Variants in MTUS1 observed in about 807,000 individuals in gnomAD.
The protein encoded by MTUS1 is microtubule-associated tumor suppressor 1.
A neutral mutation model predicts 120.8 loss-of-function variants in MTUS1; 109 were observed. The ratio of observed to expected loss-of-function variants is 0.90; its 90% CI spans 0.77 to 1.06. The LOEUF (loss-of-function observed/expected upper bound fraction) is 1.06. Ranked by LOEUF, MTUS1 falls within the 50% of genes least tolerant of loss-of-function variation. The pLI is 0.00. For missense variants in MTUS1, 2,210 were observed against 1,486.3 expected (o/e 1.49, Z -8.01); for synonymous variants, 737 against 550.5 (o/e 1.34, Z -4.74).
chr8:17,702,481 G>A (rs1819291039), intron 6 of MTUS1, among the ~76,000 whole-genome samples: 1 of 152,106 alleles, frequency 6.6e-6, no homozygotes, highest in Admixed American at 6.5e-5. Context: ...GCACAATGCT[G>A]TAACAAACAT....
chr8:17,772,814 C>T (rs1027055995), intron 1 of MTUS1, among the ~76,000 whole-genome samples: 3 of 151,768 alleles, frequency 2.0e-5, no homozygotes, highest in African/African-American at 7.3e-5. Flanking sequence ...TAATTCAGCA[C>T]CAAAAAAACA....
chr8:17,785,701 C>T (rs1349940076), intron 1 of MTUS1, among the ~76,000 whole-genome samples: 3 of 152,128 alleles, frequency 2.0e-5, no homozygotes, highest in Admixed American at 6.5e-5. Flanking sequence ...TCACCAGGTA[C>T]CCCAGGGTCA....
At chr8:17,676,161 G>T in intron 7 of MTUS1, 1 of 676,694 alleles carries the variant, frequency 1.5e-6, no homozygotes, top group Non-Finnish European at 2.7e-6. Flanking sequence ...CATGAGACCC[G>T]GCCTTTGCAG....
chr8:17,674,366 G>C (rs533327298), intron 8 of MTUS1: 1 of 651,626 alleles, frequency 1.5e-6, no homozygotes, highest in East Asian at 1.4e-4. Context: ...GTTGCAGTGA[G>C]TCGAGATCGC....
chr8:17,653,380 ATATT>A, intron 11 of MTUS1, 41 bp downstream of exon 11: 1 of 1,542,422 alleles, frequency 6.5e-7, no homozygotes, highest in Middle Eastern at 1.7e-4. Flanking sequence ...ATCAAAAATG[ATATT>A]TTTTTTTGTG....
At chr8:17,682,172 G>C (rs1439524731) in intron 7 of MTUS1, among the ~76,000 whole-genome samples, 3 of 152,154 alleles carry the variant, frequency 2.0e-5, no homozygotes, top group Admixed American at 6.5e-5. Flanking sequence ...AGCAGTGCTT[G>C]GGATGGATTA....
intron 6 of MTUS1, among the ~76,000 whole-genome samples, chr8:17,700,228 G>C (rs1187259123): frequency 6.6e-6 from 1 of 151,960 alleles, no homozygotes; most frequent in African/African-American, 2.4e-5. Context: ...AGCACTTTGG[G>C]AGGCCAAGGC....
intron 2 of MTUS1, chr8:17,748,116 G>C (rs2131299815): frequency 6.6e-6 from 1 of 152,282 alleles, no homozygotes; most frequent in East Asian, 1.9e-4. Context: ...GAGGACAGCT[G>C]AGTCTACTGT....
chr8:17,695,905 G>A (rs867146306), intron 6 of MTUS1, among the ~76,000 whole-genome samples: 2 of 152,204 alleles, frequency 1.3e-5, no homozygotes, highest in South Asian at 4.1e-4. Flanking sequence ...AGAGCAGACA[G>A]GGACTCTGGG....
At chr8:17,719,657 C>T (rs1585933820) in intron 4 of MTUS1, among the ~76,000 whole-genome samples, 1 of 152,158 alleles carries the variant, frequency 6.6e-6, no homozygotes, top group Admixed American at 6.5e-5. Flanking sequence ...AACTTTCCCT[C>T]TGAACCTGGA....
At chr8:17,649,629 C>T (rs1392265812) in intron 13 of MTUS1, among the ~76,000 whole-genome samples, 1 of 152,124 alleles carries the variant, frequency 6.6e-6, no homozygotes, top group Non-Finnish European at 1.5e-5. Context: ...GGACTGGGTG[C>T]TGTTTTACAT....
At chr8:17,707,979 T>C (rs1204243786) in intron 6 of MTUS1, among the ~76,000 whole-genome samples, 1 of 152,114 alleles carries the variant, frequency 6.6e-6, no homozygotes, top group Non-Finnish European at 1.5e-5. Flanking sequence ...AACCTAACTA[T>C]AACAGCTAGA....
At chr8:17,696,680 CAG>C (rs1210697531) in intron 6 of MTUS1, among the ~76,000 whole-genome samples, 4 of 152,106 alleles carry the variant, frequency 2.6e-5, no homozygotes, top group Non-Finnish European at 4.4e-5. Context: ...ACATAAACCT[CAG>C]GGGAAGTATT....
At chr8:17,739,631 T>C (rs2047171252) in intron 3 of MTUS1, among the ~76,000 whole-genome samples, 1 of 152,186 alleles carries the variant, frequency 6.6e-6, no homozygotes. Flanking sequence ...TTTCCAGCTG[T>C]TTAACATTGG....
In MTUS1 at chr8:17,649,977, G is replaced by A; in HGVS notation, c.3385-15C>T. 8.2e-7 allele frequency: 1 copy of A among 1,217,776 alleles called. No individual in the cohort carries two copies. The highest frequency in any genetic ancestry group is 1.2e-6 in the Non-Finnish European group (1 of 818,562). 75.4% of individuals were successfully genotyped at this position (1,217,776 alleles called of 1,614,324 possible). ...TGAGGATTTTTCTGGAAAGGACACA[G>A]CAAGATACTGCTCTTATTCCACATA... On this transcript the variant is annotated splice_polypyrimidine_tract_variant and intron_variant, in intron 12 of 14. Transcript: ENST00000693296.
chr8:17,659,447 A>G (rs978174937), intron 8 of MTUS1, among the ~76,000 whole-genome samples: 5 of 152,234 alleles, frequency 3.3e-5, no homozygotes, highest in Non-Finnish European at 5.9e-5. Context: ...CTGTAATCCC[A>G]GCACTTTGGA....
At chr8:17,744,374 T>C (rs2047570634) in intron 2 of MTUS1, among the ~76,000 whole-genome samples, 2 of 152,224 alleles carry the variant, frequency 1.3e-5, no homozygotes, top group African/African-American at 4.8e-5. Context: ...CCCCTTATCT[T>C]ATCTTAACCG....
intron 2 of MTUS1, among the ~76,000 whole-genome samples, chr8:17,747,760 T>C (rs150929013): frequency 9.1e-4 from 138 of 152,248 alleles, no homozygotes; most frequent in Non-Finnish European, 1.5e-3. Context: ...TTTACGCTGC[T>C]TATAAAGACG....
intron 1 of MTUS1, among the ~76,000 whole-genome samples, chr8:17,767,238 A>T (rs1167423415): frequency 6.6e-6 from 1 of 150,598 alleles, no homozygotes; most frequent in Non-Finnish European, 1.5e-5. Context: ...CAGTTTCATA[A>T]ATCTTTTAGT....
Sources: gnomAD v4.1 joint callset for allele counts (sites outside exome capture counted in the v4.1 genomes callset) on GRCh38, gnomAD v4.1.1 for gene constraint, MANE v1.5 for transcripts, NCBI Gene and HGNC (gene_info 2026-07-23, HGNC 2026-07-21) for gene names.